KCTD16: variants seen among roughly 807,000 people sequenced by gnomAD.
The protein encoded by KCTD16 is potassium channel tetramerization domain containing 16.
In KCTD16, 13 loss-of-function variants were observed where a neutral mutation model predicts 33.2. The ratio of observed to expected loss-of-function variants is 0.39; its 90% confidence interval spans 0.25 to 0.62. The LOEUF (loss-of-function observed/expected upper bound fraction) is 0.62, where lower values mean the gene tolerates loss of function less well. Ranked by LOEUF, KCTD16 falls within the 20% of genes least tolerant of loss-of-function variation. KCTD16 has a pLI of 0.50. For missense variants in KCTD16, 441 were observed against 525.1 expected, an observed-to-expected ratio of 0.84 and a Z score of 1.57; for synonymous variants, 197 against 195.3, an observed-to-expected ratio of 1.01 and a Z score of -0.07.
rs79867201 is a variant in KCTD16 at position 144,234,012 on chromosome 5, A to G, written c.832+26466A>G. Among the ~76,000 whole-genome samples, 1,015 of 152,310 alleles carry G rather than the reference A, an allele frequency of 6.7e-3. 5 individuals carry two copies. The highest frequency in any genetic ancestry group is 0.01 in the Non-Finnish European group (706 of 68,022). ...CACAATTGTAATATTTTCTGCTTAG[A>G]AAAAAGAATGAACCGCAGGAAGAGA... On this transcript the variant is annotated intron_variant, in intron 3 of 3. Coordinates refer to ENST00000512467, the MANE Select transcript of KCTD16 (RefSeq NM_020768.4).
chr5:144,340,318 C>G (rs377694458), intron 3 of KCTD16, among the ~76,000 whole-genome samples: 2 of 147,562 alleles, frequency 1.4e-5, no homozygotes, highest in East Asian at 4.1e-4. Flanking sequence ...AGGAGAATGG[C>G]GTGAACCCGG....
chr5:144,416,330 T>C (rs1003546150), intron 3 of KCTD16, among the ~76,000 whole-genome samples: 1 of 152,170 alleles, frequency 6.6e-6, no homozygotes, highest in Non-Finnish European at 1.5e-5. Context: ...TGAGTTGTTA[T>C]GGTTGAGTTG....
chr5:144,398,019 TC>T (rs1177558499), intron 3 of KCTD16, among the ~76,000 whole-genome samples: 1 of 152,190 alleles, frequency 6.6e-6, no homozygotes, highest in Non-Finnish European at 1.5e-5. Context: ...GCTGTTTGTG[TC>T]CCCATGTAGG....
intron 3 of KCTD16, among the ~76,000 whole-genome samples, chr5:144,340,900 A>G (rs111430080): frequency 0.028 from 4,271 of 152,124 alleles, 98 homozygotes; most frequent in African/African-American, 0.049. Flanking sequence ...ACATACAAAA[A>G]TTAGCCAGGC....
At chr5:144,471,145 T>C (rs1205149315) in intron 3 of KCTD16, among the ~76,000 whole-genome samples, 1 of 152,150 alleles carries the variant, frequency 6.6e-6, no homozygotes, top group Admixed American at 6.5e-5. Context: ...GTAGCACCAC[T>C]GCACTCCAGC....
intron 3 of KCTD16, among the ~76,000 whole-genome samples, chr5:144,403,204 T>A (rs1752741190): frequency 6.6e-6 from 1 of 152,174 alleles, no homozygotes; most frequent in Non-Finnish European, 1.5e-5. Context: ...AACCACATGT[T>A]GTTGATTAAA....
rs753393111 is a variant in KCTD16, at chr5:144,222,052, G to A, written c.832+14506G>A. Among the ~76,000 whole-genome samples, 6 of 152,060 alleles carry A rather than the reference G, an allele frequency of 3.9e-5. 1 individual carries two copies. Among genetic ancestry groups the A allele is most frequent in the Non-Finnish European group, 5.9e-5 (4 of 68,014 alleles). The stretch of plus-strand genomic sequence containing the variant: ...GCTTTTTTTCATATGTTTGTTGACC[G>A]CATAAATATCTTCTTTTGAGAAGTG... On this transcript the variant is annotated intron_variant, in intron 3 of 3. Coordinates refer to ENST00000512467, the MANE Select transcript of KCTD16 (RefSeq NM_020768.4).
At chr5:144,350,794 T>G (rs1751402040) in intron 3 of KCTD16, among the ~76,000 whole-genome samples, 1 of 152,016 alleles carries the variant, frequency 6.6e-6, no homozygotes. Flanking sequence ...TCTCTCTCTT[T>G]ACTCTTCTGA....
At chr5:144,296,177 G>A (rs1281369228) in intron 3 of KCTD16, among the ~76,000 whole-genome samples, 1 of 151,990 alleles carries the variant, frequency 6.6e-6, no homozygotes, top group Non-Finnish European at 1.5e-5. Context: ...AGGAGTTGGA[G>A]GCAAAAGTGC....
chr5:144,419,021 T>A, intron 3 of KCTD16, among the ~76,000 whole-genome samples: 1 of 152,186 alleles, frequency 6.6e-6, no homozygotes. Flanking sequence ...TGTCGGTATC[T>A]TGTTTCTCAT....
chr5:144,445,737 T>C lies in KCTD16; in HGVS notation c.833-27923T>C, dbSNP rs1753804553. 2.1e-5 allele frequency among the ~76,000 whole-genome samples: 3 copies of C among 142,274 alleles called. No individual in the cohort carries two copies. The South Asian group carries it at 6.4e-4, about 30-fold the overall frequency. The allele number at this position is 142,274 out of a possible 152,430, so 93.3% of individuals were successfully genotyped here. ...CCTCTTCCTCATTTTGGCCTAGACC[T>C]TTTTTTTTTGTTTCATTATGGTCTC... On this transcript the variant is annotated intron_variant, in intron 3 of 3. Coordinates refer to ENST00000512467, the MANE Select transcript of KCTD16 (RefSeq NM_020768.4).
chr5:144,449,297 A>G (rs1480265623), intron 3 of KCTD16, among the ~76,000 whole-genome samples: 1 of 152,030 alleles, frequency 6.6e-6, no homozygotes, highest in African/African-American at 2.4e-5. Flanking sequence ...GGATTGGAAG[A>G]CTTGATATTG....
At chr5:144,327,113 G>T (rs1157327687) in intron 3 of KCTD16, among the ~76,000 whole-genome samples, 1 of 152,284 alleles carries the variant, frequency 6.6e-6, no homozygotes, top group Non-Finnish European at 1.5e-5. Context: ...CAACGGTGAA[G>T]ATTTTGCCTC....
intron 3 of KCTD16, among the ~76,000 whole-genome samples, chr5:144,403,225 C>A (rs545448363): frequency 2.6e-5 from 4 of 152,194 alleles, no homozygotes; most frequent in African/African-American, 9.6e-5. Context: ...TTGTGTCTGC[C>A]AAAAAGATAA....
chr5:144,353,275 A>G (rs558887909), intron 3 of KCTD16, among the ~76,000 whole-genome samples: 70 of 152,172 alleles, frequency 4.6e-4, no homozygotes, highest in African/African-American at 1.6e-3. Flanking sequence ...TGTGGGGAAT[A>G]CTCTGGCTAA....
At chr5:144,415,196 A>G (rs1013992765) in intron 3 of KCTD16, among the ~76,000 whole-genome samples, 2 of 152,158 alleles carry the variant, frequency 1.3e-5, no homozygotes, top group African/African-American at 2.4e-5. Flanking sequence ...ACCAACTCCC[A>G]TGATAATGAA....
chr5:144,481,694 A>G lies in KCTD16; in HGVS notation c.*7580A>G, dbSNP rs1156325956. 1 of 151,918 alleles carries G rather than the reference A, an allele frequency of 6.6e-6. No individual in the cohort carries two copies. Among genetic ancestry groups the G allele is most frequent in the Non-Finnish European group, 1.5e-5 (1 of 67,930 alleles). 9.4% of individuals were successfully genotyped at this position (151,918 alleles called of 1,614,324 possible). A position where few individuals can be genotyped will look rare whatever the true frequency, so the allele number is the denominator to read the frequency against. ...TTGTTTATGCATATATCCAGCAAAT[A>G]TTTGTTGGGTACATACTATATATAG... is the stretch of plus-strand genomic sequence containing the variant. On this transcript the variant is annotated 3_prime_UTR_variant, in exon 4 of 4. Coordinates refer to ENST00000512467, the MANE Select transcript of KCTD16 (RefSeq NM_020768.4).
intron 3 of KCTD16, among the ~76,000 whole-genome samples, chr5:144,299,937 A>T (rs573949869): frequency 2.6e-5 from 4 of 151,760 alleles, no homozygotes; most frequent in African/African-American, 7.2e-5. Context: ...AAACAAAAAG[A>T]CCCATTTTCT....
chr5:144,269,937 G>C (rs1410029146), intron 3 of KCTD16, among the ~76,000 whole-genome samples: 1 of 152,104 alleles, frequency 6.6e-6, no homozygotes, highest in African/African-American at 2.4e-5. Context: ...ACTTTAGGAT[G>C]TTAAATGTAA....
Sources: gnomAD v4.1 joint callset for allele counts (sites outside exome capture counted in the v4.1 genomes callset) on GRCh38, gnomAD v4.1.1 for gene constraint, MANE v1.5 for transcripts, NCBI Gene and HGNC (gene_info 2026-07-23, HGNC 2026-07-21) for gene names.